Variants in ATF7IP observed in about 807,000 individuals in gnomAD.
ATF7IP encodes activating transcription factor 7-interacting protein 1.
Under a neutral mutation model 106.4 loss-of-function variants are expected in ATF7IP, and 23 were observed. The ratio of observed to expected loss-of-function variants is 0.22; its 90% CI spans 0.16 to 0.31. The LOEUF is 0.31. Among genes scored for constraint, ATF7IP ranks in the 10% least tolerant of loss-of-function variants. ATF7IP has a pLI of 1.00. For synonymous variants in ATF7IP, 542 were observed against 539.0 expected (o/e 1.01, Z -0.08); for missense variants, 1,334 against 1,524.3 (o/e 0.88, Z 2.08).
intron 1 of ATF7IP, among the ~76,000 whole-genome samples, chr12:14,405,023 A>C (rs965745268): frequency 3.3e-5 from 5 of 152,196 alleles, no homozygotes; most frequent in Non-Finnish European, 2.9e-5. Flanking sequence ...CCATCCTATG[A>C]AACTAAGTCG....
chr12:14,482,835 A>G (rs1039725356), intron 13 of ATF7IP, among the ~76,000 whole-genome samples: 8 of 152,232 alleles, frequency 5.3e-5, no homozygotes, highest in Admixed American at 4.6e-4. Context: ...AAAGAGAGTA[A>G]TAAGGCCATA....
chr12:14,383,001 C>T (rs1443457876), intron 1 of ATF7IP, among the ~76,000 whole-genome samples: 3 of 152,074 alleles, frequency 2.0e-5, no homozygotes, highest in African/African-American at 7.2e-5. Flanking sequence ...AGGTGTTGGC[C>T]TTGACACTAT....
At chr12:14,455,470 G>T (rs1449977658) in intron 6 of ATF7IP, among the ~76,000 whole-genome samples, 1 of 152,172 alleles carries the variant, frequency 6.6e-6, no homozygotes, top group East Asian at 1.9e-4. Flanking sequence ...TTGTTGTTAA[G>T]AAGAGTGATT....
intron 1 of ATF7IP, among the ~76,000 whole-genome samples, chr12:14,406,660 T>C (rs1940598515): frequency 6.6e-6 from 1 of 150,736 alleles, no homozygotes. Flanking sequence ...TAACAGTATT[T>C]ATGGGTTTTT....
chr12:14,395,642 CACTT>C (rs1260329811), intron 1 of ATF7IP, among the ~76,000 whole-genome samples: 3 of 152,040 alleles, frequency 2.0e-5, no homozygotes, highest in African/African-American at 7.2e-5. Flanking sequence ...TTTGTAACCT[CACTT>C]AAGTATAAAG....
chr12:14,438,407 A>G, intron 5 of ATF7IP, 140 bp downstream of exon 5: 1 of 815,018 alleles, frequency 1.2e-6, no homozygotes, highest in Non-Finnish European at 1.9e-6. Context: ...TTAGTTTGCC[A>G]GGGCTGCTGT....
At chr12:14,462,931 G>A (rs574545669) in intron 9 of ATF7IP, among the ~76,000 whole-genome samples, 1 of 151,962 alleles carries the variant, frequency 6.6e-6, no homozygotes, top group Non-Finnish European at 1.5e-5. Context: ...ATGAATAAAT[G>A]TGAATGACAA....
At chr12:14,455,548 G>A (rs937702326) in intron 6 of ATF7IP, among the ~76,000 whole-genome samples, 11 of 152,056 alleles carry the variant, frequency 7.2e-5, no homozygotes. Flanking sequence ...TCTTACACTT[G>A]ACTTAGTCTT....
chr12:14,395,558 T>C (rs982856144), intron 1 of ATF7IP, among the ~76,000 whole-genome samples: 3 of 152,204 alleles, frequency 2.0e-5, no homozygotes, highest in Admixed American at 2.0e-4. Flanking sequence ...CAGTTTTAGA[T>C]CTCTTTTCAT....
At chr12:14,488,052 T>C (rs1351166782) in intron 13 of ATF7IP, among the ~76,000 whole-genome samples, 1 of 152,064 alleles carries the variant, frequency 6.6e-6, no homozygotes, top group African/African-American at 2.4e-5. Flanking sequence ...GTGGGTCTAA[T>C]CATATTAAGC....
chr12:14,400,163 G>A (rs1940110345), intron 1 of ATF7IP, among the ~76,000 whole-genome samples: 1 of 152,188 alleles, frequency 6.6e-6, no homozygotes, highest in African/African-American at 2.4e-5. Flanking sequence ...TTGAAAGTCT[G>A]TATTTGTATC....
intron 6 of ATF7IP, among the ~76,000 whole-genome samples, chr12:14,453,664 G>T (rs550791761): frequency 6.7e-6 from 1 of 149,736 alleles, no homozygotes; most frequent in Non-Finnish European, 1.5e-5. Context: ...CGCTCCTGTC[G>T]CCCAGGCTGG....
chr12:14,390,940 C>G (rs571446808), intron 1 of ATF7IP, among the ~76,000 whole-genome samples: 2 of 152,306 alleles, frequency 1.3e-5, no homozygotes, highest in Admixed American at 1.3e-4. Flanking sequence ...TAAGGAAGTG[C>G]TAAAAGAATG....
chr12:14,490,421 C>T (rs1260226813), intron 13 of ATF7IP, among the ~76,000 whole-genome samples: 1 of 152,178 alleles, frequency 6.6e-6, no homozygotes, highest in African/African-American at 2.4e-5. Flanking sequence ...ACCATCCAAC[C>T]AAACCATTGG....
intron 1 of ATF7IP, among the ~76,000 whole-genome samples, chr12:14,420,673 AG>A (rs1289506274): frequency 6.6e-6 from 1 of 152,092 alleles, no homozygotes; most frequent in Admixed American, 6.5e-5. Context: ...TCATTTAGTG[AG>A]GGGGGATGTT....
intron 1 of ATF7IP, among the ~76,000 whole-genome samples, chr12:14,372,615 T>C (rs981369751): frequency 6.6e-6 from 1 of 152,114 alleles, no homozygotes; most frequent in African/African-American, 2.4e-5. Flanking sequence ...TCTGCAGTTT[T>C]CCATTGCTCA....
chr12:14,369,120 T>TTC (rs1315226719), intron 1 of ATF7IP: 2 of 32,558 alleles, frequency 6.1e-5, no homozygotes, highest in African/African-American at 3.3e-4. Flanking sequence ...AATTTTTTCT[T>TTC]TTTTTTTTTT....
At chr12:14,462,754 A>T (rs1943691569) in intron 9 of ATF7IP, among the ~76,000 whole-genome samples, 1 of 152,006 alleles carries the variant, frequency 6.6e-6, no homozygotes, top group African/African-American at 2.4e-5. Context: ...TTTATATAAA[A>T]GTAAGTTTTC....
intron 1 of ATF7IP, among the ~76,000 whole-genome samples, chr12:14,380,916 G>T (rs151308315): frequency 1.3e-5 from 2 of 152,174 alleles, no homozygotes; most frequent in Non-Finnish European, 2.9e-5. Context: ...CACCGTGCCC[G>T]GCCAGGTACT....
Sources: allele counts gnomAD v4.1 joint callset (sites outside exome capture counted in the v4.1 genomes callset), GRCh38; gene constraint gnomAD v4.1.1; transcripts MANE v1.5; gene names NCBI Gene and HGNC (gene_info 2026-07-23, HGNC 2026-07-21).